CNTN5: variants seen among roughly 807,000 people sequenced by gnomAD.
CNTN5 encodes contactin 5.
CNTN5 carries 77 observed loss-of-function variants against 129.1 expected under a neutral mutation model. The ratio of observed to expected loss-of-function variants is 0.60; its 90% CI spans 0.50 to 0.72. CNTN5 has a LOEUF of 0.72. Ranked by LOEUF, CNTN5 falls within the 30% of genes least tolerant of loss-of-function variation. The pLI is 0.00. For missense variants in CNTN5, 1,478 were observed against 1,328.8 expected (o/e 1.11, Z -1.75); for synonymous variants, 509 against 465.6 (o/e 1.09, Z -1.20).
chr11:99,743,176 A>T (rs116986913), intron 3 of CNTN5, among the ~76,000 whole-genome samples: 1,935 of 152,318 alleles, frequency 0.013, 20 homozygotes, highest in Non-Finnish European at 0.018. Flanking sequence ...TCTCAATTAT[A>T]TCAGGAATTT....
At chr11:99,474,303 C>A (rs1945285953) in intron 2 of CNTN5, among the ~76,000 whole-genome samples, 1 of 151,796 alleles carries the variant, frequency 6.6e-6, no homozygotes, top group African/African-American at 2.4e-5. Context: ...TTTCCTAAAA[C>A]CATCAAAAAA....
At chr11:99,249,582 T>C (rs1331238805) in intron 1 of CNTN5, among the ~76,000 whole-genome samples, 1 of 152,066 alleles carries the variant, frequency 6.6e-6, no homozygotes, top group Non-Finnish European at 1.5e-5. Flanking sequence ...GCACAAACTA[T>C]ATACCGGACA....
At chr11:99,432,906 T>C (rs986471330) in intron 2 of CNTN5, among the ~76,000 whole-genome samples, 3 of 150,874 alleles carry the variant, frequency 2.0e-5, no homozygotes, top group Non-Finnish European at 4.4e-5. Context: ...ACATTGAAAC[T>C]GATACCACCA....
At chr11:99,397,809 C>T (rs1777567735) in intron 2 of CNTN5, among the ~76,000 whole-genome samples, 1 of 151,720 alleles carries the variant, frequency 6.6e-6, no homozygotes, top group Admixed American at 6.6e-5. Context: ...TCCCTGGCTA[C>T]TTTTATCAGA....
intron 15 of CNTN5, among the ~76,000 whole-genome samples, chr11:100,218,541 AG>A (rs528072083): frequency 2.0e-5 from 3 of 152,300 alleles, no homozygotes; most frequent in African/African-American, 4.8e-5. Flanking sequence ...CATACTGAGA[AG>A]GGTCTCATAC....
chr11:100,155,377 T>G (rs1400883982), intron 13 of CNTN5, among the ~76,000 whole-genome samples: 1 of 152,196 alleles, frequency 6.6e-6, no homozygotes, highest in East Asian at 1.9e-4. Context: ...TCCATTGGTC[T>G]ATGTATCTGT....
chr11:100,204,328 ATATATATATATATAT>A lies in CNTN5; in HGVS notation c.1884+10666_1884+10680del, dbSNP rs1591390202. 7.1e-5 allele frequency among the ~76,000 whole-genome samples: 8 copies of A among 113,276 alleles called. No homozygotes were observed. The East Asian group carries it at 1.5e-3, about 22-fold the overall frequency. 74.3% of individuals were successfully genotyped at this position (113,276 alleles called of 152,430 possible). On this transcript the variant is annotated intron_variant, in intron 15 of 24. Coordinates refer to ENST00000524871, the MANE Select transcript of CNTN5 (RefSeq NM_014361.4). The stretch of plus-strand genomic sequence containing the variant: ...TATATATATATATATATATATATAT[ATATATATATATATAT>A]AATTATAGGCAGACAGATAGATATA...
At chr11:99,964,371 TG>T (rs1157215717) in intron 8 of CNTN5, among the ~76,000 whole-genome samples, 37 of 152,330 alleles carry the variant, frequency 2.4e-4, no homozygotes, top group African/African-American at 7.9e-4. Flanking sequence ...GCATGAAGAT[TG>T]TTGAATTTTG....
At chr11:100,130,998 C>A (rs1028863524) in intron 13 of CNTN5, among the ~76,000 whole-genome samples, 1 of 152,052 alleles carries the variant, frequency 6.6e-6, no homozygotes, top group Non-Finnish European at 1.5e-5. Flanking sequence ...ACATTGGTAT[C>A]AAGATGGTAA....
chr11:99,109,456 A>C (rs116903975), intron 1 of CNTN5, among the ~76,000 whole-genome samples: 7,367 of 152,174 alleles, frequency 0.048, 208 homozygotes, highest in Middle Eastern at 0.065. Flanking sequence ...GAAACTAGGA[A>C]TGAAGATACG....
intron 2 of CNTN5, among the ~76,000 whole-genome samples, chr11:99,491,636 A>G (rs995867012): frequency 6.6e-6 from 1 of 152,200 alleles, no homozygotes; most frequent in Non-Finnish European, 1.5e-5. Flanking sequence ...CCAGAAGCAT[A>G]GCATTTCAAT....
intron 2 of CNTN5, among the ~76,000 whole-genome samples, chr11:99,542,621 A>G (rs1196614410): frequency 6.6e-6 from 1 of 152,226 alleles, no homozygotes; most frequent in Non-Finnish European, 1.5e-5. Flanking sequence ...CATACCAGTG[A>G]CAACAACAAA....
At position 99,815,970 on chromosome 11, in the gene CNTN5, G is replaced by C. The variant is rs542799511; in HGVS notation, c.56-3574G>C. Among the ~76,000 whole-genome samples the C allele has an allele frequency of 1.7e-3, 256 of 152,062 alleles. 1 individual carries two copies. Among genetic ancestry groups the C allele is most frequent in the African/African-American group, 6.0e-3 (247 of 41,480 alleles). On this transcript the variant is annotated intron_variant, in intron 3 of 24. Coordinates refer to ENST00000524871, the MANE Select transcript of CNTN5 (RefSeq NM_014361.4). ...CCTCCCTCACCGGGTTAGAGTCCGT[G>C]GTCCATAACATTATTCACTTCCTTC...
intron 1 of CNTN5, among the ~76,000 whole-genome samples, chr11:99,123,767 C>T (rs962728810): frequency 1.3e-5 from 2 of 151,688 alleles, no homozygotes; most frequent in Non-Finnish European, 2.9e-5. Context: ...CTGCCTATGG[C>T]TAGCCAGTTA....
At chr11:99,397,743 A>T (rs1941600658) in intron 2 of CNTN5, among the ~76,000 whole-genome samples, 1 of 151,714 alleles carries the variant, frequency 6.6e-6, no homozygotes, top group Non-Finnish European at 1.5e-5. Context: ...AAGATGTTTC[A>T]GGCTCATTTT....
At chr11:100,234,217 A>T in intron 16 of CNTN5, among the ~76,000 whole-genome samples, 1 of 145,184 alleles carries the variant, frequency 6.9e-6, no homozygotes, top group Non-Finnish European at 1.6e-5. Context: ...TAGTTCAACC[A>T]TTGTAGAAGA....
intron 9 of CNTN5, among the ~76,000 whole-genome samples, chr11:100,055,028 TAAAAAAAA>T (rs137939088): frequency 2.2e-5 from 2 of 91,692 alleles, no homozygotes; most frequent in Non-Finnish European, 4.4e-5. Flanking sequence ...AGCCGTAGCC[TAAAAAAAA>T]AAAAAAAAAA....
rs1373705310 is a variant in CNTN5, at chr11:99,523,634, TAGAATAGAATAGAATAGAAC to T, written c.-70-32506_-70-32487del. On this transcript the variant is annotated intron_variant, in intron 2 of 24. Coordinates refer to ENST00000524871, the MANE Select transcript of CNTN5 (RefSeq NM_014361.4). ...TAGAATAGAATAGAATAGAATAGAA[TAGAATAGAATAGAATAGAAC>T]AGAACAGATCAGAACAGAACAGAAC... Among the ~76,000 whole-genome samples, 124 of 48,980 alleles carry T rather than the reference TAGAATAGAATAGAATAGAAC, an allele frequency of 2.5e-3. 1 individual carries two copies. Among genetic ancestry groups the T allele is most frequent in the Middle Eastern group, 9.4e-3 (1 of 106 alleles). 32.1% of individuals were successfully genotyped at this position (48,980 alleles called of 152,430 possible).
At chr11:99,379,878 G>A (rs1174303428) in intron 2 of CNTN5, among the ~76,000 whole-genome samples, 2 of 151,796 alleles carry the variant, frequency 1.3e-5, no homozygotes, top group Non-Finnish European at 1.5e-5. Flanking sequence ...ATGTATGTGT[G>A]TGAATACATA....
Sources: gnomAD v4.1 joint callset for allele counts (sites outside exome capture counted in the v4.1 genomes callset) on GRCh38, gnomAD v4.1.1 for gene constraint, MANE v1.5 for transcripts, NCBI Gene and HGNC (gene_info 2026-07-23, HGNC 2026-07-21) for gene names.